Variants in GABRA4 observed in about 807,000 individuals in gnomAD.
GABRA4 encodes gamma-aminobutyric acid type A receptor subunit alpha4.
In GABRA4, 12 loss-of-function variants were observed where a neutral mutation model predicts 49.7. The observed-to-expected ratio is 0.24, with a 90% CI of 0.15 to 0.39. GABRA4 has a LOEUF of 0.39. Ranked by LOEUF, GABRA4 falls within the 10% of genes least tolerant of loss-of-function variation. GABRA4 has a pLI of 1.00. For synonymous variants in GABRA4, 288 were observed against 240.2 expected (o/e 1.20, Z -1.84); for missense variants, 506 against 686.0 (o/e 0.74, Z 2.93).
Position 46,970,468 on chromosome 4 carries a change from T to A in GABRA4, c.874+615A>T, listed in dbSNP as rs3792206. ...TGTAGAACACATTAACTTATAAAAA[T>A]TGTAAACTCATATGCTCTGAACTTT... On this transcript the variant is annotated intron_variant, in intron 7 of 8. Coordinates refer to ENST00000264318, the MANE Select transcript of GABRA4 (RefSeq NM_000809.4). Among the ~76,000 whole-genome samples the A allele has an allele frequency of 1.7e-3, 254 of 151,630 alleles. 3 individuals carry two copies. The highest frequency in any genetic ancestry group is 9.8e-3 in the East Asian group (50 of 5,128).
rs1577780158 is a variant in GABRA4, at chr4:46,969,219, G to A, written c.874+1864C>T. On this transcript the variant is annotated intron_variant, in intron 7 of 8. Coordinates refer to ENST00000264318, the MANE Select transcript of GABRA4 (RefSeq NM_000809.4). ...CCTCTTGATTACAGGCACCTATGATGGATCGTTAATTGCTGTTCTACACAC... is the reference window on the plus strand; with the variant it reads ...CCTCTTGATTACAGGCACCTATGATAGATCGTTAATTGCTGTTCTACACAC... Among the ~76,000 whole-genome samples the A allele has an allele frequency of 4.6e-5, 7 of 151,290 alleles. No individual in the cohort carries two copies. The South Asian group carries it at 1.5e-3, about 32-fold the overall frequency.
chr4:46,959,758 C>CAAAAAAAAA (rs67861758), intron 8 of GABRA4, among the ~76,000 whole-genome samples: 191 of 82,484 alleles, frequency 2.3e-3, no homozygotes, highest in Non-Finnish European at 3.0e-3. Flanking sequence ...CATCACTTTG[C>CAAAAAAAAA]AAAAAAAAAA....
At position 46,924,038 on chromosome 4, in the gene GABRA4, A is replaced by G. The variant is rs1020592917; in HGVS notation, c.*4187T>C. On this transcript the variant is annotated 3_prime_UTR_variant, in exon 9 of 9. Transcript: ENST00000264318. ...GGGAATGGAGGCTATAAGAACTCCA[A>G]ATCATTCTATAAAATTTAGCTTAAG... 2 of 152,070 alleles carry G rather than the reference A, an allele frequency of 1.3e-5. No homozygotes were observed. The highest frequency in any genetic ancestry group is 4.8e-5 in the African/African-American group (2 of 41,434). The allele number at this position is 152,070 out of a possible 1,614,324, so 9.4% of individuals were successfully genotyped here. A position where few individuals can be genotyped will look rare whatever the true frequency, so the allele number is the denominator to read the frequency against.
intron 8 of GABRA4, among the ~76,000 whole-genome samples, chr4:46,947,385 T>C (rs1722018160): frequency 6.6e-6 from 1 of 151,978 alleles, no homozygotes; most frequent in African/African-American, 2.4e-5. Flanking sequence ...AATAAATGCA[T>C]CCTGAATTCT....
In GABRA4 at chr4:46,919,780, T is replaced by G. The variant is rs1173412720; in HGVS notation, c.*8445A>C. On this transcript the variant is annotated 3_prime_UTR_variant, in exon 9 of 9. Coordinates refer to ENST00000264318, the MANE Select transcript of GABRA4 (RefSeq NM_000809.4). Reference sequence around the variant, plus strand: ...TTCAACATTTTCAGAATCAAAGTAATTATCAGGGGATTTCCTTCATTAAGG... The same window carrying G: ...TTCAACATTTTCAGAATCAAAGTAAGTATCAGGGGATTTCCTTCATTAAGG... The G allele has an allele frequency of 2.0e-5, 3 of 151,620 alleles. No homozygotes were observed. The highest frequency in any genetic ancestry group is 4.4e-5 in the Non-Finnish European group (3 of 67,630). The allele number at this position is 151,620 out of a possible 1,614,324, so 9.4% of individuals were successfully genotyped here.
rs1265949840 is a variant in GABRA4, at chr4:46,920,714, G to C, written c.*7511C>G. ...TTACAGGGAGGTATTTCCAAATTAG[G>C]TTATATCTTATAGCAACTAGATTTG... On this transcript the variant is annotated 3_prime_UTR_variant, in exon 9 of 9. Coordinates refer to ENST00000264318, the MANE Select transcript of GABRA4 (RefSeq NM_000809.4). 6.6e-6 allele frequency: 1 copy of C among 151,354 alleles called. No individual in the cohort carries two copies. 9.4% of individuals were successfully genotyped at this position (151,354 alleles called of 1,614,324 possible).
Position 46,971,001 on chromosome 4 carries a change from T to G in GABRA4, c.874+82A>C. 6 of 1,350,582 alleles carry G rather than the reference T, an allele frequency of 4.4e-6. No individual in the cohort carries two copies. The South Asian group carries it at 8.1e-5, about 18-fold the overall frequency. The allele number at this position is 1,350,582 out of a possible 1,614,324, so 83.7% of individuals were successfully genotyped here. A position where few individuals can be genotyped will look rare whatever the true frequency, so the allele number is the denominator to read the frequency against. On this transcript the variant is annotated intron_variant, in intron 7 of 8. Coordinates refer to ENST00000264318, the MANE Select transcript of GABRA4 (RefSeq NM_000809.4). Reference sequence around the variant, plus strand: ...CAGGATAGCCTGATGTATTAGGGTTTAAGATTTTCTTAGAAATATCCCATG... The same window carrying G: ...CAGGATAGCCTGATGTATTAGGGTTGAAGATTTTCTTAGAAATATCCCATG...
chr4:46,966,922 A>G lies in GABRA4; in HGVS notation c.875-1693T>C, dbSNP rs533230855. On this transcript the variant is annotated intron_variant, in intron 7 of 8. Transcript: ENST00000264318. ...ATATCTGCATATCTATGAAAATGCT[A>G]TATTGTGAATTTATTGGGTTTTATT... is the stretch of plus-strand genomic sequence containing the variant. Among the ~76,000 whole-genome samples, 8 of 151,878 alleles carry G rather than the reference A, an allele frequency of 5.3e-5. No individual in the cohort carries two copies. The East Asian group carries it at 1.6e-3, about 30-fold the overall frequency.
At chr4:46,943,763 G>T (rs1721893210) in intron 8 of GABRA4, among the ~76,000 whole-genome samples, 2 of 152,030 alleles carry the variant, frequency 1.3e-5, no homozygotes, top group Admixed American at 1.3e-4. Context: ...CTGCCTGAGG[G>T]ACATACTGCC....
At chr4:46,972,817 T>C (rs1181696285) in intron 6 of GABRA4, among the ~76,000 whole-genome samples, 1 of 151,648 alleles carries the variant, frequency 6.6e-6, no homozygotes, top group African/African-American at 2.4e-5. Flanking sequence ...TTTGACTATT[T>C]TAGATTCATC....
intron 8 of GABRA4, among the ~76,000 whole-genome samples, chr4:46,963,569 G>C (rs754652012): frequency 6.6e-6 from 1 of 151,790 alleles, no homozygotes; most frequent in African/African-American, 2.4e-5. Flanking sequence ...CCAGCCATAT[G>C]AGACTGTAAG....
rs186271345 is a variant in GABRA4 at position 46,946,277 on chromosome 4, A to G, written c.1135-17522T>C. On this transcript the variant is annotated intron_variant, in intron 8 of 8. Transcript: ENST00000264318. ...AAACTGATAGATTCTAGCCAGCTAT[A>G]TTGCAACCTTCATTTCCTTCATTTA... is the stretch of plus-strand genomic sequence containing the variant. 5.0e-4 allele frequency among the ~76,000 whole-genome samples: 76 copies of G among 152,260 alleles called. 1 individual carries two copies. The highest frequency in any genetic ancestry group is 1.8e-3 in the African/African-American group (74 of 41,568).
At chr4:46,953,330 C>A (rs1055609523) in intron 8 of GABRA4, among the ~76,000 whole-genome samples, 11 of 152,024 alleles carry the variant, frequency 7.2e-5, no homozygotes, top group African/African-American at 2.4e-4. Context: ...GTGTCTGTTC[C>A]TCTGGATTAT....
intron 5 of GABRA4, 150 bp downstream of exon 5, chr4:46,976,911 T>C (rs1723156187): frequency 1.9e-6 from 1 of 537,182 alleles, no homozygotes; most frequent in Non-Finnish European, 3.4e-6. Flanking sequence ...TTATAAAATA[T>C]TAGTTAATGA....
chr4:46,969,790 C>T (rs996375790), intron 7 of GABRA4, among the ~76,000 whole-genome samples: 6 of 151,296 alleles, frequency 4.0e-5, no homozygotes, highest in Admixed American at 2.0e-4. Context: ...ACACCTACAG[C>T]TTAGATTTGT....
At chr4:46,981,078 T>C (rs1479216887) in intron 2 of GABRA4, among the ~76,000 whole-genome samples, 1 of 152,066 alleles carries the variant, frequency 6.6e-6, no homozygotes, top group African/African-American at 2.4e-5. Flanking sequence ...GCTGATTTAG[T>C]ACTAGGCATA....
chr4:46,925,843 TA>T lies in GABRA4; in HGVS notation c.*2381del, dbSNP rs146047945. On this transcript the variant is annotated 3_prime_UTR_variant, in exon 9 of 9. Coordinates refer to ENST00000264318, the MANE Select transcript of GABRA4 (RefSeq NM_000809.4). ...TTTCTGGTTAATGTGTTCTTCAAAT[TA>T]ACAATTAAGAATCCTTGGTTAATTC... 1,611 of 150,644 alleles carry T rather than the reference TA, an allele frequency of 0.011. 25 individuals carry two copies. The highest frequency in any genetic ancestry group is 0.037 in the African/African-American group (1,518 of 41,228). The allele number at this position is 150,644 out of a possible 1,614,324, so 9.3% of individuals were successfully genotyped here.
rs1720886948 is a variant in GABRA4, at chr4:46,919,250, T to TAC, written c.*8974_*8975insGT. Reference sequence around the variant, plus strand: ...AAAAATCATTTCCTGATGAATTACTTTAAAATAGTAAACCAATATTTGATA... The same window carrying TAC: ...AAAAATCATTTCCTGATGAATTACTTACTAAAATAGTAAACCAATATTTGATA... On this transcript the variant is annotated 3_prime_UTR_variant, in exon 9 of 9. Coordinates refer to ENST00000264318, the MANE Select transcript of GABRA4 (RefSeq NM_000809.4). 6.6e-6 allele frequency: 1 copy of TAC among 151,572 alleles called. No homozygotes were observed. Among genetic ancestry groups the TAC allele is most frequent in the African/African-American group, 2.4e-5 (1 of 41,422 alleles). The allele number at this position is 151,572 out of a possible 1,614,324, so 9.4% of individuals were successfully genotyped here. A position where few individuals can be genotyped will look rare whatever the true frequency, so the allele number is the denominator to read the frequency against.
chr4:46,941,384 T>C (rs1399047929), intron 8 of GABRA4, among the ~76,000 whole-genome samples: 1 of 152,094 alleles, frequency 6.6e-6, no homozygotes, highest in East Asian at 1.9e-4. Context: ...AGCCTTCCTG[T>C]GCTTAAGGTT....
Sources: allele counts gnomAD v4.1 joint callset (sites outside exome capture counted in the v4.1 genomes callset), GRCh38; gene constraint gnomAD v4.1.1; transcripts MANE v1.5; gene names NCBI Gene and HGNC (gene_info 2026-07-23, HGNC 2026-07-21).